WNT11: variants seen among roughly 807,000 people sequenced by gnomAD.
WNT11 encodes Wnt family member 11.
WNT11 carries 20 observed loss-of-function variants against 35.6 expected under a neutral mutation model. The observed-to-expected ratio is 0.56, with a 90% CI of 0.40 to 0.82. The LOEUF is 0.82. WNT11 is among the 40% of genes least tolerant of loss of function. The probability of loss-of-function intolerance (pLI) is 0.00; values close to 1 mark genes in which losing one functional copy is unlikely to be tolerated. For missense variants in WNT11, 459 were observed against 504.4 expected (o/e 0.91, Z 0.86); for synonymous variants, 200 against 211.9 (o/e 0.94, Z 0.49).
At chr11:76,209,823 G>A (rs1953533599), upstream of WNT11, among the ~76,000 whole-genome samples, 1 of 150,702 alleles carries the variant, frequency 6.6e-6, no homozygotes, top group Non-Finnish European at 1.5e-5. Context: ...CGTGGAGCTC[G>A]TGCGCGAGCT....
At position 76,196,502 on chromosome 11, in the gene WNT11, A is replaced by G. The variant is rs1387451231; in HGVS notation, c.300T>C (p.Tyr100=). The change falls in exon 2 of 5, where the codon TAT becomes TAC. Residue 100 remains tyrosine, a synonymous_variant. Transcript: ENST00000322563. ...NCSSIELAPN[Y]LLDLERGTRE... ...TCCTACCTCTCTCCAGGTCAAGCAA[A>G]TAGTTGGGGGCGAGCTCAATGGAGG... 6.2e-7 allele frequency: 1 copy of G among 1,613,394 alleles called. No individual in the cohort carries two copies. The highest frequency in any genetic ancestry group is 8.5e-7 in the Non-Finnish European group (1 of 1,180,024).
At chr11:76,197,842 G>A (rs1953313148) in intron 1 of WNT11, among the ~76,000 whole-genome samples, 1 of 152,052 alleles carries the variant, frequency 6.6e-6, no homozygotes, top group Non-Finnish European at 1.5e-5. Flanking sequence ...GCCTGCATCG[G>A]CAGCACTTAA....
At chr11:76,210,694 T>A, upstream of WNT11, 1 of 983,936 alleles carries the variant, frequency 1.0e-6, no homozygotes, top group Non-Finnish European at 1.2e-6. Context: ...TGCTCTCTGC[T>A]GCGCTCAGCT....
At chr11:76,208,700 C>T (rs959548125), upstream of WNT11, among the ~76,000 whole-genome samples, 2 of 152,120 alleles carry the variant, frequency 1.3e-5, no homozygotes, top group Admixed American at 1.3e-4. Flanking sequence ...GGAGGAGCCC[C>T]CTAGGTCGCA....
At chr11:76,208,402 A>C (rs577059454), upstream of WNT11, among the ~76,000 whole-genome samples, 1 of 152,128 alleles carries the variant, frequency 6.6e-6, no homozygotes, top group Non-Finnish European at 1.5e-5. Flanking sequence ...TGGGGGTCTC[A>C]GAGGGGTTCT....
intron 4 of WNT11, among the ~76,000 whole-genome samples, chr11:76,189,597 TCAC>T (rs1417722451): frequency 6.6e-6 from 1 of 152,176 alleles, no homozygotes; most frequent in Non-Finnish European, 1.5e-5. Context: ...CTTTCACAGT[TCAC>T]CAGGCTCACT....
intron 4 of WNT11, 64 bp from the exon 5 acceptor site, chr11:76,187,303 A>AT: frequency 6.9e-7 from 1 of 1,459,278 alleles, no homozygotes; most frequent in South Asian, 1.4e-5. Context: ...ACACCCCATG[A>AT]CTCCCAGCCA....
intron 1 of WNT11, among the ~76,000 whole-genome samples, chr11:76,205,416 C>G (rs1419153847): frequency 6.6e-6 from 1 of 152,148 alleles, no homozygotes; most frequent in Non-Finnish European, 1.5e-5. Flanking sequence ...CTCCATTGCC[C>G]GAACCAGCCA....
rs1021925005 is a variant in WNT11, at chr11:76,187,227, C to G, written c.903G>C (p.Lys301Asn). The part of the protein sequence containing the change: ...SHGTQDRQCN[K>N]TSNGSDSCDL... ...CGCAGCTGTCGCTTCCGTTGGATGT[C>G]TTGTTGCACTGCCTATTGTGGGGGC... is the stretch of plus-strand genomic sequence containing the variant. Residue 301 changes from lysine (K) to asparagine (N), a missense_variant, in exon 5 of 5, where the codon AAG becomes AAC. Coordinates refer to ENST00000322563, the MANE Select transcript of WNT11 (RefSeq NM_004626.3). The G allele has an allele frequency of 6.2e-7, 1 of 1,602,672 alleles. No homozygotes were observed. Among genetic ancestry groups the G allele is most frequent in the African/African-American group, 1.3e-5 (1 of 74,916 alleles).
intron 4 of WNT11, among the ~76,000 whole-genome samples, chr11:76,188,008 C>T (rs1195980773): frequency 1.3e-5 from 2 of 152,234 alleles, no homozygotes; most frequent in East Asian, 1.9e-4. Context: ...GCTGGGATTA[C>T]AGGCGTGTGC....
intron 1 of WNT11, among the ~76,000 whole-genome samples, chr11:76,200,888 T>C (rs752870707): frequency 1.3e-5 from 2 of 152,224 alleles, no homozygotes; most frequent in Non-Finnish European, 2.9e-5. Flanking sequence ...GTTCAGGCAG[T>C]GAAGGCAGCC....
chr11:76,187,180 C>T lies in WNT11; in HGVS notation c.950G>A (p.Gly317Asp). 9.9e-6 allele frequency: 16 copies of T among 1,610,488 alleles called. No individual in the cohort carries two copies. Among genetic ancestry groups the T allele is most frequent in the Non-Finnish European group, 1.4e-5 (16 of 1,180,004 alleles). The change falls in exon 5 of 5, where the codon GGC (glycine) becomes GAC (aspartate). Residue 317 changes from glycine to aspartate, a missense_variant. Gly to Asp is a moderately conservative substitution (Grantham distance 94). Coordinates refer to ENST00000322563, the MANE Select transcript of WNT11 (RefSeq NM_004626.3). ...CACGCGGTCTGTGTAGGGGTTGTAGCCACGCCCGCAGCACATAAGGTCGCA... is the reference window on the plus strand; with the variant it reads ...CACGCGGTCTGTGTAGGGGTTGTAGTCACGCCCGCAGCACATAAGGTCGCA... ...DSCDLMCCGR[G>D]YNPYTDRVVE... is the part of the protein sequence containing the mutation.
intron 3 of WNT11, among the ~76,000 whole-genome samples, chr11:76,193,317 C>T (rs887453898): frequency 1.3e-5 from 2 of 152,238 alleles, no homozygotes; most frequent in Non-Finnish European, 2.9e-5. Flanking sequence ...TGCCCTGAGG[C>T]GGAGGACCCT....
chr11:76,207,911 T>A (rs754150250), upstream of WNT11, among the ~76,000 whole-genome samples: 14 of 151,722 alleles, frequency 9.2e-5, no homozygotes, highest in Non-Finnish European at 2.1e-4. Flanking sequence ...TCGCCCGGAG[T>A]CAGACACAGC....
chr11:76,195,667 G>A (rs1162684269), intron 2 of WNT11, among the ~76,000 whole-genome samples: 1 of 152,232 alleles, frequency 6.6e-6, no homozygotes, highest in Non-Finnish European at 1.5e-5. Context: ...CGGCACTCAG[G>A]AGCCTCAGCT....
At chr11:76,199,618 T>G (rs1953343690) in intron 1 of WNT11, among the ~76,000 whole-genome samples, 1 of 151,824 alleles carries the variant, frequency 6.6e-6, no homozygotes, top group Non-Finnish European at 1.5e-5. Context: ...TTCTGGCCAA[T>G]ATGGTGAAAC....
chr11:76,186,967 C>T lies in WNT11; in HGVS notation c.*98G>A. ...TCCCATGCCTGGCATCTGGAATTCA[C>T]AAGCAGAGCTCCATGGAGTGTCTCC... On this transcript the variant is annotated 3_prime_UTR_variant, in exon 5 of 5. Transcript: ENST00000322563. The T allele has an allele frequency of 6.4e-7, 1 of 1,563,364 alleles. No homozygotes were observed. Among genetic ancestry groups the T allele is most frequent in the Non-Finnish European group, 8.7e-7 (1 of 1,155,984 alleles).
chr11:76,186,737 C>T lies in WNT11; in HGVS notation c.*328G>A. 2.3e-6 allele frequency: 1 copy of T among 431,616 alleles called. No homozygotes were observed. The highest frequency in any genetic ancestry group is 4.6e-6 in the Non-Finnish European group (1 of 219,750). 26.7% of individuals were successfully genotyped at this position (431,616 alleles called of 1,614,324 possible). On this transcript the variant is annotated 3_prime_UTR_variant, in exon 5 of 5. Transcript: ENST00000322563. The stretch of plus-strand genomic sequence containing the variant: ...GGCAGACCCCTTCCCGGAGGCTGGT[C>T]TCTGTGGCCCTGAAAGGTCAAGTCT...
At chr11:76,210,697 G>T, upstream of WNT11, 1 of 983,066 alleles carries the variant, frequency 1.0e-6, no homozygotes. Context: ...TCTCTGCTGC[G>T]CTCAGCTCCC....
Sources: gnomAD v4.1 joint callset for allele counts (sites outside exome capture counted in the v4.1 genomes callset) on GRCh38, gnomAD v4.1.1 for gene constraint, MANE v1.5 for transcripts, NCBI Gene and HGNC (gene_info 2026-07-23, HGNC 2026-07-21) for gene names.